The following TBCA variants were observed in gnomAD, a reference collection of about 807,000 sequenced individuals.
TBCA encodes the protein tubulin folding cofactor A, also known as tubulin-specific chaperone A.
In TBCA, 6 loss-of-function variants were observed where a neutral mutation model predicts 15.8. The observed-to-expected ratio is 0.38, with a 90% confidence interval of 0.21 to 0.75. The LOEUF (loss-of-function observed/expected upper bound fraction) is 0.75. Ranked by LOEUF, TBCA falls within the 30% of genes least tolerant of loss-of-function variation. TBCA has a pLI of 0.46. For synonymous variants in TBCA, 32 were observed against 42.3 expected, an observed-to-expected ratio of 0.76 and a Z score of 0.94; for missense variants, 90 against 131.2, an observed-to-expected ratio of 0.69 and a Z score of 1.53.
At chr5:77,714,005 G>GA (rs34199450) in intron 1 of TBCA, among the ~76,000 whole-genome samples, 250 of 137,288 alleles carry the variant, frequency 1.8e-3, no homozygotes, top group African/African-American at 3.2e-3. Context: ...AGAATCCATT[G>GA]AAAAAAAAAA....
At chr5:77,707,661 A>G (rs1357723131) in intron 2 of TBCA, among the ~76,000 whole-genome samples, 1 of 152,210 alleles carries the variant, frequency 6.6e-6, no homozygotes, top group East Asian at 1.9e-4. Context: ...TCATGAAGAC[A>G]ATCACAAGTA....
chr5:77,738,314 A>G (rs1746955106), intron 1 of TBCA, among the ~76,000 whole-genome samples: 1 of 152,232 alleles, frequency 6.6e-6, no homozygotes, highest in Admixed American at 6.5e-5. Flanking sequence ...CATTGAGAAG[A>G]TTAACTTGCC....
chr5:77,692,877 T>A (rs1745786339), intron 3 of TBCA: 1 of 1,153,208 alleles, frequency 8.7e-7, no homozygotes, highest in African/African-American at 1.6e-5. Flanking sequence ...AAGATCCTTT[T>A]AATAAGATCC....
At chr5:77,745,179 A>G (rs1200907627) in intron 1 of TBCA, among the ~76,000 whole-genome samples, 1 of 152,220 alleles carries the variant, frequency 6.6e-6, no homozygotes, top group South Asian at 2.1e-4. Context: ...AGAAAGAAAA[A>G]GCTGGGGGCA....
chr5:77,691,806 G>C (rs1185295183), intron 3 of TBCA: 2 of 1,035,938 alleles, frequency 1.9e-6, no homozygotes, highest in Non-Finnish European at 2.3e-6. Flanking sequence ...TTCTCATTTT[G>C]TTGACCCATC....
chr5:77,696,810 C>T (rs1745882280), intron 2 of TBCA, among the ~76,000 whole-genome samples: 1 of 152,070 alleles, frequency 6.6e-6, no homozygotes, highest in Admixed American at 6.5e-5. Context: ...TCTAGCTACT[C>T]AAGAGGCTGA....
At chr5:77,769,986 G>A (rs1267197423) in intron 1 of TBCA, among the ~76,000 whole-genome samples, 1 of 152,140 alleles carries the variant, frequency 6.6e-6, no homozygotes, top group Non-Finnish European at 1.5e-5. Flanking sequence ...ATTTAAGAAA[G>A]TATTTTTAAT....
At chr5:77,709,760 G>A (rs2112440989) in intron 1 of TBCA, among the ~76,000 whole-genome samples, 1 of 152,234 alleles carries the variant, frequency 6.6e-6, no homozygotes, top group Admixed American at 6.5e-5. Flanking sequence ...TGCAAGACAG[G>A]CAAAATGTGG....
intron 1 of TBCA, among the ~76,000 whole-genome samples, chr5:77,750,484 TA>T (rs969642584): frequency 6.6e-6 from 1 of 152,118 alleles, no homozygotes; most frequent in African/African-American, 2.4e-5. Flanking sequence ...CTAGTCCAAG[TA>T]AAGCAAGAAT....
At chr5:77,734,253 T>C (rs1026340431) in intron 1 of TBCA, among the ~76,000 whole-genome samples, 23 of 152,242 alleles carry the variant, frequency 1.5e-4, no homozygotes, top group Non-Finnish European at 2.9e-4. Context: ...ATTTCAACTT[T>C]TAAGTCTTAT....
At chr5:77,764,276 A>G (rs1192253539) in intron 1 of TBCA, among the ~76,000 whole-genome samples, 1 of 152,224 alleles carries the variant, frequency 6.6e-6, no homozygotes, top group South Asian at 2.1e-4. Flanking sequence ...AGATGTTATT[A>G]CCACTGTTTT....
chr5:77,758,913 T>C (rs573250134), intron 1 of TBCA, among the ~76,000 whole-genome samples: 21 of 152,364 alleles, frequency 1.4e-4, no homozygotes, highest in Admixed American at 1.4e-3. Flanking sequence ...TGCTCCCTGC[T>C]GTCTGTGATC....
chr5:77,706,672 G>A (rs34928907), intron 2 of TBCA, among the ~76,000 whole-genome samples: 12,162 of 151,736 alleles, frequency 0.08, 641 homozygotes, highest in Middle Eastern at 0.12. Flanking sequence ...TTAGCTGCGC[G>A]TGGTGGTGCA....
intron 2 of TBCA, among the ~76,000 whole-genome samples, chr5:77,704,209 AT>A (rs773767727): frequency 5.9e-5 from 9 of 152,166 alleles, no homozygotes; most frequent in Non-Finnish European, 1.3e-4. Flanking sequence ...GGCTCAAGTG[AT>A]CTACCCAGCT....
chr5:77,719,119 T>C (rs1380227145), intron 1 of TBCA, among the ~76,000 whole-genome samples: 5 of 152,202 alleles, frequency 3.3e-5, no homozygotes, highest in African/African-American at 1.2e-4. Context: ...TAACTCATAA[T>C]TACCCTGCGT....
At chr5:77,709,042 C>T (rs1369137905) in intron 1 of TBCA, among the ~76,000 whole-genome samples, 5 of 146,928 alleles carry the variant, frequency 3.4e-5, no homozygotes, top group Non-Finnish European at 7.4e-5. Context: ...TGAAACAGCA[C>T]AATGATAAAA....
chr5:77,699,554 C>T (rs1022036501), intron 2 of TBCA, among the ~76,000 whole-genome samples: 1 of 152,128 alleles, frequency 6.6e-6, no homozygotes, highest in African/African-American at 2.4e-5. Context: ...AATCTCAAAC[C>T]AAACCTAACA....
intron 1 of TBCA, among the ~76,000 whole-genome samples, chr5:77,765,395 C>T (rs457216): frequency 0.62 from 94,104 of 152,042 alleles, 29,169 homozygotes; most frequent in African/African-American, 0.64. Context: ...TAGCTTAATG[C>T]ATTTTTAGTA....
At chr5:77,752,999 T>C (rs987347486) in intron 1 of TBCA, among the ~76,000 whole-genome samples, 1 of 152,192 alleles carries the variant, frequency 6.6e-6, no homozygotes, top group African/African-American at 2.4e-5. Context: ...GGCCTAATTT[T>C]TTCTTTATTT....
Sources: gnomAD v4.1 joint callset for allele counts (sites outside exome capture counted in the v4.1 genomes callset) on GRCh38, gnomAD v4.1.1 for gene constraint, MANE v1.5 for transcripts, NCBI Gene and HGNC (gene_info 2026-07-23, HGNC 2026-07-21) for gene names.